Variants in KANK1 observed in about 807,000 individuals in gnomAD.
The protein encoded by KANK1 is KN motif and ankyrin repeat domain-containing protein 1.
Under a neutral mutation model 106.2 loss-of-function variants are expected in KANK1, and 109 were observed. The ratio of observed to expected loss-of-function variants is 1.03; its 90% CI spans 0.88 to 1.20. The LOEUF (loss-of-function observed/expected upper bound fraction) is 1.20. KANK1 is among the 50% of genes most tolerant of loss of function. KANK1 has a pLI of 0.00. For missense variants in KANK1, 2,399 were observed against 1,710.7 expected (o/e 1.40, Z -7.10); for synonymous variants, 873 against 652.2 (o/e 1.34, Z -5.16).
chr9:537,668 A>G (rs78195542), intron 1 of KANK1, among the ~76,000 whole-genome samples: 9 of 152,086 alleles, frequency 5.9e-5, no homozygotes, highest in African/African-American at 1.9e-4. Context: ...GTGATTCTCA[A>G]CAGGTGGGGG....
intron 2 of KANK1, among the ~76,000 whole-genome samples, chr9:701,547 G>T (rs185830245): frequency 1.3e-5 from 2 of 152,278 alleles, no homozygotes; most frequent in Non-Finnish European, 2.9e-5. Context: ...AGGAGGGCCT[G>T]TCTTGTGCAT....
chr9:701,009 T>C lies in KANK1; in HGVS notation c.38-9795T>C, dbSNP rs191386979. Among the ~76,000 whole-genome samples, 355 of 152,240 alleles carry C rather than the reference T, an allele frequency of 2.3e-3. 11 individuals carry two copies. Among genetic ancestry groups the C allele is most frequent in the Admixed American group, 0.022 (337 of 15,298 alleles). On this transcript the variant is annotated intron_variant, in intron 2 of 11. Coordinates refer to ENST00000382297, the MANE Select transcript of KANK1 (RefSeq NM_015158.5). ...TAAAGAATGGCTCATTGTGGTAGAGTATGTAGAAAGTATTGAATGCTTTTC... is the reference window on the plus strand; with the variant it reads ...TAAAGAATGGCTCATTGTGGTAGAGCATGTAGAAAGTATTGAATGCTTTTC...
rs1042256904 is a variant in KANK1 at position 533,351 on chromosome 9, C to G, written c.-84+28597C>G. 5.9e-5 allele frequency among the ~76,000 whole-genome samples: 9 copies of G among 152,230 alleles called. No individual in the cohort carries two copies. The East Asian group carries it at 9.7e-4, about 16-fold the overall frequency. ...GTTTGTGACTTTAGGCATGTTTAAC[C>G]TTTCTAAGTCTGTTTTTCCATCTGA... On this transcript the variant is annotated intron_variant, in intron 1 of 11. Transcript: ENST00000382297.
intron 3 of KANK1, among the ~76,000 whole-genome samples, chr9:498,430 G>A (rs762892218): frequency 6.6e-6 from 1 of 152,200 alleles, no homozygotes; most frequent in Non-Finnish European, 1.5e-5. Context: ...GATGAGAAAG[G>A]AGGGAGAGGA....
chr9:571,358 C>T (rs1440805484), intron 1 of KANK1, among the ~76,000 whole-genome samples: 3 of 152,176 alleles, frequency 2.0e-5, no homozygotes, highest in Non-Finnish European at 4.4e-5. Context: ...CCTTTGGCAA[C>T]ACGTGTTAAT....
Position 652,056 on chromosome 9 carries a change from C to G in KANK1, c.-83-24834C>G, listed in dbSNP as rs181042983. ...TGGAGAGAATATAAATTAATACCTG[C>G]TTTTTGAAGGACAACCTGACATTAT... On this transcript the variant is annotated intron_variant, in intron 1 of 11. Transcript: ENST00000382297. Among the ~76,000 whole-genome samples, 44 of 152,230 alleles carry G rather than the reference C, an allele frequency of 2.9e-4. No homozygotes were observed. In the East Asian group the frequency reaches 6.4e-3, roughly 22 times the overall value.
chr9:744,417 T>C, intron 10 of KANK1, 74 bp from the exon 11 acceptor site: 1 of 1,519,196 alleles, frequency 6.6e-7, no homozygotes, highest in Non-Finnish European at 8.9e-7. Context: ...GGAGGGTGTT[T>C]TGTTCTGTTA....
At chr9:658,947 A>C (rs55842631) in intron 1 of KANK1, among the ~76,000 whole-genome samples, 1 of 152,084 alleles carries the variant, frequency 6.6e-6, no homozygotes, top group East Asian at 1.9e-4. Flanking sequence ...ATTCCTATAC[A>C]TCTGCATACC....
chr9:563,871 C>T (rs571780321), intron 1 of KANK1, among the ~76,000 whole-genome samples: 2 of 152,024 alleles, frequency 1.3e-5, no homozygotes, highest in Admixed American at 1.3e-4. Context: ...TAGCACAGGG[C>T]ACACATAGGT....
intron 1 of KANK1, among the ~76,000 whole-genome samples, chr9:528,156 C>A (rs1019627579): frequency 6.7e-5 from 10 of 149,534 alleles, no homozygotes; most frequent in East Asian, 2.0e-4. Flanking sequence ...AAAAAAAAAA[C>A]TTTTTAGGAT....
intron 2 of KANK1, among the ~76,000 whole-genome samples, 191 bp from the exon 3 acceptor site, chr9:710,611 GTC>G: frequency 2.1e-5 from 2 of 96,508 alleles, no homozygotes; most frequent in African/African-American, 8.4e-5. Flanking sequence ...AGAATGACCT[GTC>G]TCAAAAAAAA....
At position 671,747 on chromosome 9, in the gene KANK1, A is replaced by G. The variant is rs183833906; in HGVS notation, c.-83-5143A>G. Among the ~76,000 whole-genome samples the G allele has an allele frequency of 1.9e-3, 284 of 152,170 alleles. 1 individual carries two copies. The highest frequency in any genetic ancestry group is 6.6e-3 in the African/African-American group (272 of 41,488). ...AATACAGTTGCTCTAAAAACATATT[A>G]TACCAGCCTGGCCAACATGGTGAAA... On this transcript the variant is annotated intron_variant, in intron 1 of 11. Coordinates refer to ENST00000382297, the MANE Select transcript of KANK1 (RefSeq NM_015158.5).
chr9:563,281 G>C (rs1432703538), intron 1 of KANK1, among the ~76,000 whole-genome samples: 13 of 151,666 alleles, frequency 8.6e-5, no homozygotes. Context: ...AGCTAATGTT[G>C]CTATCCCTAA....
At chr9:489,765 G>C (rs1381858981) in intron 3 of KANK1, among the ~76,000 whole-genome samples, 1 of 152,166 alleles carries the variant, frequency 6.6e-6, no homozygotes, top group Non-Finnish European at 1.5e-5. Context: ...CACGGGGTTT[G>C]AAGAAAAATA....
In KANK1 at chr9:677,001, G is replaced by C. The variant is rs781523271; in HGVS notation, c.29G>C (p.Ser10Thr). Residue 10 changes from serine to threonine, a missense_variant, in exon 2 of 12, where the codon AGT becomes ACT. Coordinates refer to ENST00000382297, the MANE Select transcript of KANK1 (RefSeq NM_015158.5). ...GCTCACACCACAAAGGTTAACGGCA[G>C]TGCCTCAGGTAACCCTGTGCTCTGG... MAHTTKVNGSASGKAGDILS... is the reference protein window; with the variant it reads MAHTTKVNGTASGKAGDILS... 2 of 1,613,748 alleles carry C rather than the reference G, an allele frequency of 1.2e-6. No individual in the cohort carries two copies. Among genetic ancestry groups the C allele is most frequent in the South Asian group, 2.2e-5 (2 of 91,002 alleles).
intron 3 of KANK1, among the ~76,000 whole-genome samples, chr9:713,924 ATTCT>A (rs1383799662): frequency 6.6e-6 from 1 of 152,188 alleles, no homozygotes; most frequent in Non-Finnish European, 1.5e-5. Flanking sequence ...CCATTAATTC[ATTCT>A]TTAATTCAGC....
chr9:582,427 G>C (rs1822404897), intron 1 of KANK1, among the ~76,000 whole-genome samples: 1 of 151,992 alleles, frequency 6.6e-6, no homozygotes, highest in African/African-American at 2.4e-5. Flanking sequence ...TCCCTTTTCT[G>C]GCAATGGGTA....
intron 1 of KANK1, among the ~76,000 whole-genome samples, chr9:611,545 C>T (rs545111543): frequency 1.6e-4 from 25 of 152,320 alleles, no homozygotes; most frequent in Admixed American, 9.8e-4. Context: ...TTACATTTCA[C>T]TTCACTTCTT....
intron 1 of KANK1, among the ~76,000 whole-genome samples, chr9:639,188 C>T (rs1219568324): frequency 2.0e-5 from 3 of 152,188 alleles, no homozygotes; most frequent in Non-Finnish European, 4.4e-5. Flanking sequence ...GCTGGGATTA[C>T]ATTCCACCCT....
Sources: gnomAD v4.1 joint callset for allele counts (sites outside exome capture counted in the v4.1 genomes callset) on GRCh38, gnomAD v4.1.1 for gene constraint, MANE v1.5 for transcripts, NCBI Gene and HGNC (gene_info 2026-07-23, HGNC 2026-07-21) for gene names.